The following ANKS1B variants were observed in gnomAD, a reference collection of about 807,000 sequenced individuals.
ANKS1B encodes the protein ankyrin repeat and sterile alpha motif domain containing 1B.
Under a neutral mutation model 148.3 loss-of-function variants are expected in ANKS1B, and 36 were observed. The ratio of observed to expected loss-of-function variants is 0.24; its 90% confidence interval spans 0.19 to 0.32. The LOEUF (loss-of-function observed/expected upper bound fraction) is 0.32, where lower values mean the gene tolerates loss of function less well. Ranked by LOEUF, ANKS1B falls within the 10% of genes least tolerant of loss-of-function variation. The pLI is 1.00. For synonymous variants in ANKS1B, 542 were observed against 560.8 expected (o/e 0.97, Z 0.47); for missense variants, 1,157 against 1,542.6 (o/e 0.75, Z 4.19).
chr12:99,861,784 C>G (rs1245969033), intron 1 of ANKS1B, among the ~76,000 whole-genome samples: 1 of 151,988 alleles, frequency 6.6e-6, no homozygotes, highest in Non-Finnish European at 1.5e-5. Context: ...ATGTAATTCA[C>G]GATCTACCCA....
In ANKS1B at chr12:98,744,029, G is replaced by C. The variant is rs554749543; in HGVS notation, c.*1710C>G. 2.0e-6 allele frequency: 2 copies of C among 983,628 alleles called. No individual in the cohort carries two copies. The highest frequency in any genetic ancestry group is 1.2e-4 in the Admixed American group (2 of 16,276). 60.9% of individuals were successfully genotyped at this position (983,628 alleles called of 1,614,324 possible). Reference sequence around the variant, plus strand: ...GCTTTTTTTATAGGATATAAATAATGACAAAAATTACAAAATTTATAACTG... The same window carrying C: ...GCTTTTTTTATAGGATATAAATAATCACAAAAATTACAAAATTTATAACTG... On this transcript the variant is annotated 3_prime_UTR_variant, in exon 27 of 27. Coordinates refer to ENST00000683438, the MANE Select transcript of ANKS1B (RefSeq NM_001352186.2).
At chr12:99,555,507 G>T (rs555663668) in intron 9 of ANKS1B, among the ~76,000 whole-genome samples, 1 of 152,266 alleles carries the variant, frequency 6.6e-6, no homozygotes, top group East Asian at 1.9e-4. Context: ...GGGCATCCTT[G>T]TCTTGTTTCA....
chr12:99,956,229 G>A (rs1449374545), intron 1 of ANKS1B, among the ~76,000 whole-genome samples: 1 of 147,204 alleles, frequency 6.8e-6, no homozygotes. Flanking sequence ...AGTGAGCTGA[G>A]ATCATGCCAT....
intron 12 of ANKS1B, among the ~76,000 whole-genome samples, chr12:99,288,911 A>G (rs946655325): frequency 6.6e-6 from 1 of 152,114 alleles, no homozygotes; most frequent in African/African-American, 2.4e-5. Flanking sequence ...TTACTTATCA[A>G]TACCACTGAA....
chr12:99,755,245 T>C (rs1251928402), intron 8 of ANKS1B, among the ~76,000 whole-genome samples: 1 of 151,504 alleles, frequency 6.6e-6, no homozygotes, highest in Non-Finnish European at 1.5e-5. Flanking sequence ...AACTAGAAAA[T>C]CTAGAAGAAA....
chr12:99,049,734 A>G (rs2099964729), intron 17 of ANKS1B, among the ~76,000 whole-genome samples: 1 of 152,264 alleles, frequency 6.6e-6, no homozygotes, highest in Non-Finnish European at 1.5e-5. Flanking sequence ...AAATAATGCC[A>G]GATTATTTTC....
intron 15 of ANKS1B, among the ~76,000 whole-genome samples, chr12:99,131,803 G>T (rs1214705005): frequency 6.6e-6 from 1 of 152,126 alleles, no homozygotes; most frequent in Non-Finnish European, 1.5e-5. Flanking sequence ...TGGGAACCGG[G>T]CTCCGTCACC....
In ANKS1B at chr12:98,829,960, A is replaced by C. The variant is rs2099283796; in HGVS notation, c.2887-607T>G. Among the ~76,000 whole-genome samples, 1 of 152,240 alleles carries C rather than the reference A, an allele frequency of 6.6e-6. No homozygotes were observed. Among genetic ancestry groups the C allele is most frequent in the African/African-American group, 2.4e-5 (1 of 41,466 alleles). On this transcript the variant is annotated intron_variant, in intron 18 of 26. Transcript: ENST00000683438. This position sits in a 1 kb window ranked among gnomAD's most constrained non-coding sequence, Gnocchi z 5.2. ...CTCAGCTCTACTATTTGCAAGTAGA[A>C]TGAGGATTGGGATCATGGTGTTTCT...
At chr12:99,383,490 T>C (rs1356776177) in intron 12 of ANKS1B, among the ~76,000 whole-genome samples, 1 of 152,248 alleles carries the variant, frequency 6.6e-6, no homozygotes, top group African/African-American at 2.4e-5. Flanking sequence ...TTTCAGTTCC[T>C]TGACCATATC....
At chr12:99,256,730 CCTGT>C (rs1309249331) in intron 12 of ANKS1B, among the ~76,000 whole-genome samples, 1 of 151,906 alleles carries the variant, frequency 6.6e-6, no homozygotes, top group African/African-American at 2.4e-5. Context: ...TATAATGATA[CCTGT>C]CTTTCTTGTG....
At chr12:99,368,788 C>A (rs1346673563) in intron 12 of ANKS1B, among the ~76,000 whole-genome samples, 2 of 152,080 alleles carry the variant, frequency 1.3e-5, no homozygotes, top group Non-Finnish European at 2.9e-5. Flanking sequence ...AATAAACCAA[C>A]TTTTCACTCT....
intron 4 of ANKS1B, 83 bp from the exon 5 acceptor site, chr12:99,782,180 A>T: frequency 4.9e-6 from 5 of 1,026,640 alleles, no homozygotes; most frequent in Non-Finnish European, 7.2e-6. Context: ...CACATTTTAC[A>T]TATTCATACA....
chr12:99,281,960 G>C (rs576108480), intron 12 of ANKS1B, among the ~76,000 whole-genome samples: 17 of 152,182 alleles, frequency 1.1e-4, no homozygotes, highest in Non-Finnish European at 8.8e-5. Context: ...TGGGCCTTCA[G>C]TAAGAATAAA....
At chr12:99,797,573 G>A (rs948275675) in intron 4 of ANKS1B, among the ~76,000 whole-genome samples, 16 of 151,118 alleles carry the variant, frequency 1.1e-4, no homozygotes, top group East Asian at 7.7e-4. Flanking sequence ...TTCCAAAATC[G>A]ATAATCATGC....
intron 19 of ANKS1B, among the ~76,000 whole-genome samples, chr12:98,823,920 G>A (rs917904212): frequency 3.3e-5 from 5 of 152,194 alleles, no homozygotes; most frequent in Non-Finnish European, 5.9e-5. Flanking sequence ...ATTCTCTCAG[G>A]AAAAGTATAT....
rs150903467 is a variant in ANKS1B, at chr12:98,873,555, G to A, written c.2779-41419C>T. Among the ~76,000 whole-genome samples the A allele has an allele frequency of 9.8e-4, 150 of 152,308 alleles. 1 individual carries two copies. In the East Asian group the frequency reaches 0.019, roughly 19 times the overall value. On this transcript the variant is annotated intron_variant, in intron 17 of 26. Coordinates refer to ENST00000683438, the MANE Select transcript of ANKS1B (RefSeq NM_001352186.2). ...GAAAGAAAGTAATCGAGGATAAGAA[G>A]ATGGAAAAGGTGGAAGAAGAGACCT...
chr12:99,263,034 G>T (rs1254378698), intron 12 of ANKS1B, among the ~76,000 whole-genome samples: 1 of 151,946 alleles, frequency 6.6e-6, no homozygotes, highest in Non-Finnish European at 1.5e-5. Context: ...TGCATTATCT[G>T]ATTTCATTCC....
chr12:99,614,569 A>C (rs192829765), intron 9 of ANKS1B, among the ~76,000 whole-genome samples: 31 of 152,120 alleles, frequency 2.0e-4, no homozygotes, highest in African/African-American at 7.5e-4. Flanking sequence ...GAAAAAAAAA[A>C]AGAATTCTCA....
intron 13 of ANKS1B, among the ~76,000 whole-genome samples, chr12:99,245,196 G>C (rs566191263): frequency 5.3e-5 from 8 of 152,066 alleles, no homozygotes; most frequent in South Asian, 4.1e-4. Flanking sequence ...ACCACAAGCT[G>C]ATTACTGACA....
Sources: allele counts gnomAD v4.1 joint callset (sites outside exome capture counted in the v4.1 genomes callset), GRCh38; gene constraint gnomAD v4.1.1; non-coding constraint Gnocchi (gnomAD v3.1); transcripts MANE v1.5; gene names NCBI Gene and HGNC (gene_info 2026-07-23, HGNC 2026-07-21).